The following NTRK3 variants were observed in gnomAD, a reference collection of about 807,000 sequenced individuals.
The protein encoded by NTRK3 is NT-3 growth factor receptor.
A neutral mutation model predicts 91.7 loss-of-function variants in NTRK3; 24 were observed. That is an observed-to-expected ratio of 0.26 (90% confidence interval 0.19 to 0.37). NTRK3 has a LOEUF of 0.37. NTRK3 is among the 10% of genes least tolerant of loss of function. The pLI, the probability that NTRK3 is intolerant of heterozygous loss-of-function variation, is 1.00. For missense variants in NTRK3, 880 were observed against 1,068.9 expected (o/e 0.82, Z 2.46); for synonymous variants, 483 against 404.0 (o/e 1.20, Z -2.34).
Position 88,007,659 on chromosome 15 carries a change from C to G in NTRK3, c.1585+25198G>C, listed in dbSNP as rs550117595. ...CTGGGAAGCCTGTTTTATCTTTTGTCTTAAGCCTGTTTCCAGGCATGTGAA... is the reference window on the plus strand; with the variant it reads ...CTGGGAAGCCTGTTTTATCTTTTGTGTTAAGCCTGTTTCCAGGCATGTGAA... On this transcript the variant is annotated intron_variant, in intron 14 of 18. Transcript: ENST00000394480. Among the ~76,000 whole-genome samples, 267 of 152,294 alleles carry G rather than the reference C, an allele frequency of 1.8e-3. 1 individual carries two copies. The highest frequency in any genetic ancestry group is 6.8e-3 in the Middle Eastern group (2 of 294).
At chr15:87,955,400 A>T (rs943862133) in intron 14 of NTRK3, among the ~76,000 whole-genome samples, 1 of 152,198 alleles carries the variant, frequency 6.6e-6, no homozygotes, top group Non-Finnish European at 1.5e-5. Context: ...GCTGTTTGTT[A>T]TCTGCTGCAC....
intron 5 of NTRK3, among the ~76,000 whole-genome samples, chr15:88,162,474 G>A (rs192705142): frequency 6.6e-6 from 1 of 152,292 alleles, no homozygotes; most frequent in African/African-American, 2.4e-5. Flanking sequence ...AGAAGGAGAG[G>A]GGAGAAGGGG....
Position 88,033,053 on chromosome 15 carries a change from C to T in NTRK3, c.1397-8G>A, listed in dbSNP as rs1233294807. ...TGATGACAGCCACGGGACCTGCACA[C>T]ACCAAGAGAGACGCAGGACCTGGTG... On this transcript the variant is annotated splice_region_variant and splice_polypyrimidine_tract_variant and intron_variant, in intron 13 of 18. Transcript: ENST00000394480. 5.1e-6 allele frequency: 8 copies of T among 1,569,310 alleles called. No homozygotes were observed. The East Asian group carries it at 9.3e-5, about 18-fold the overall frequency.
At chr15:88,138,168 C>T (rs1195101626) in intron 6 of NTRK3, among the ~76,000 whole-genome samples, 1 of 152,128 alleles carries the variant, frequency 6.6e-6, no homozygotes, top group Non-Finnish European at 1.5e-5. Flanking sequence ...CTTTGGGAGG[C>T]CGAGGTGGGA....
intron 13 of NTRK3, among the ~76,000 whole-genome samples, chr15:88,055,683 T>C (rs1361158739): frequency 6.6e-6 from 1 of 152,110 alleles, no homozygotes; most frequent in Non-Finnish European, 1.5e-5. Flanking sequence ...CCAAGTTCAC[T>C]CAATCAACCA....
chr15:88,127,151 A>C lies in NTRK3; in HGVS notation c.1293+11T>G, dbSNP rs1305025197. The C allele has an allele frequency of 6.2e-7, 1 of 1,612,520 alleles. No homozygotes were observed. Among genetic ancestry groups the C allele is most frequent in the Admixed American group, 1.7e-5 (1 of 59,956 alleles). On this transcript the variant is annotated intron_variant, in intron 12 of 18. Coordinates refer to ENST00000394480, the Ensembl canonical transcript of NTRK3. ...AGTCAACACACTCCTCTTGACCAAG[A>C]AGTGACTCACCCCAAAAGTGTCTTC...
rs1040619813 is a variant in NTRK3, at chr15:88,255,543, G to C, written c.248+363C>G. 1.8e-4 allele frequency among the ~76,000 whole-genome samples: 27 copies of C among 152,236 alleles called. No homozygotes were observed. The highest frequency in any genetic ancestry group is 6.5e-4 in the African/African-American group (27 of 41,536). ...GAACCTCGTCTACTTTATTCCACTTGAGCGTGGCCAAACTGTTGCTATTTA... is the reference window on the plus strand; with the variant it reads ...GAACCTCGTCTACTTTATTCCACTTCAGCGTGGCCAAACTGTTGCTATTTA... On this transcript the variant is annotated intron_variant, in intron 3 of 18. Coordinates refer to ENST00000394480, the Ensembl canonical transcript of NTRK3. This position sits in a 1 kb window ranked among gnomAD's most constrained non-coding sequence, Gnocchi z 4.3.
intron 13 of NTRK3, among the ~76,000 whole-genome samples, chr15:88,054,285 G>A (rs1395280781): frequency 6.6e-6 from 1 of 152,170 alleles, no homozygotes; most frequent in East Asian, 1.9e-4. Flanking sequence ...TAGACATAGT[G>A]TTCTATATAT....
At chr15:88,190,623 C>T (rs1290654603) in intron 3 of NTRK3, among the ~76,000 whole-genome samples, 1 of 152,210 alleles carries the variant, frequency 6.6e-6, no homozygotes, top group Non-Finnish European at 1.5e-5. Flanking sequence ...CCTCCTCCCT[C>T]CCAAATGTGC....
intron 13 of NTRK3, among the ~76,000 whole-genome samples, chr15:88,038,467 G>C (rs1408611293): frequency 6.6e-6 from 1 of 152,152 alleles, no homozygotes; most frequent in African/African-American, 2.4e-5. Flanking sequence ...TCCTTATAGG[G>C]CTACGGCTGG....
exon 18 of NTRK3, chr15:87,880,321 C>A (rs2141467025): frequency 6.2e-7 from 1 of 1,613,454 alleles, no homozygotes. Context: ...TGAAGATCTC[C>A]CAGAGGATCA....
intron 13 of NTRK3, chr15:88,098,523 ACT>A (rs2049857753): frequency 4.5e-6 from 1 of 221,864 alleles, no homozygotes; most frequent in African/African-American, 2.2e-5. Context: ...GGATGGAAAT[ACT>A]CACCAGGAGA....
chr15:87,877,026 T>C (rs2141436338), exon 19 of NTRK3: 1 of 1,613,890 alleles, frequency 6.2e-7, no homozygotes, highest in Non-Finnish European at 8.5e-7. Context: ...CTGCTGTGGT[T>C]CCCTCTGCCA....
chr15:87,999,931 G>T (rs1386826054), intron 14 of NTRK3, among the ~76,000 whole-genome samples: 1 of 152,196 alleles, frequency 6.6e-6, no homozygotes, highest in African/African-American at 2.4e-5. Flanking sequence ...GATTTAATCA[G>T]CTCCTGACCC....
At position 88,043,245 on chromosome 15, in the gene NTRK3, G is replaced by C. The variant is rs114740458; in HGVS notation, c.1397-10200C>G. Among the ~76,000 whole-genome samples the C allele has an allele frequency of 3.7e-3, 558 of 152,282 alleles. 8 individuals are homozygous for C. Among genetic ancestry groups the C allele is most frequent in the African/African-American group, 0.013 (540 of 41,542 alleles). On this transcript the variant is annotated intron_variant, in intron 13 of 18. Transcript: ENST00000394480. Reference sequence around the variant, plus strand: ...ACAGACAGTATTTCAGACCATCCCAGGCATCAACAGGAAGTGAGTAGTTAC... The same window carrying C: ...ACAGACAGTATTTCAGACCATCCCACGCATCAACAGGAAGTGAGTAGTTAC...
At chr15:88,046,843 AT>A (rs1206301148) in intron 13 of NTRK3, among the ~76,000 whole-genome samples, 2 of 152,228 alleles carry the variant, frequency 1.3e-5, no homozygotes, top group African/African-American at 4.8e-5. Context: ...TGCAGCAGGA[AT>A]GGCGAGGGTA....
At chr15:87,895,790 CATTTT>C (rs1032280791) in intron 17 of NTRK3, among the ~76,000 whole-genome samples, 4 of 146,838 alleles carry the variant, frequency 2.7e-5, no homozygotes, top group African/African-American at 7.5e-5. Flanking sequence ...TTTTTTTTTT[CATTTT>C]ATTTTATTTT....
chr15:87,983,393 C>T (rs2074463353), intron 14 of NTRK3, among the ~76,000 whole-genome samples: 1 of 152,168 alleles, frequency 6.6e-6, no homozygotes, highest in Non-Finnish European at 1.5e-5. Context: ...TGTTTTTCAA[C>T]CCCATTGCAG....
At chr15:88,126,744 C>T (rs763786554) in intron 12 of NTRK3, among the ~76,000 whole-genome samples, 33 of 152,138 alleles carry the variant, frequency 2.2e-4, no homozygotes, top group African/African-American at 7.5e-4. Context: ...CCAGGAAAGT[C>T]GAAAAGATCT....
Sources: gnomAD v4.1 joint callset for allele counts (sites outside exome capture counted in the v4.1 genomes callset) on GRCh38, gnomAD v4.1.1 for gene constraint, Gnocchi (gnomAD v3.1) non-coding constraint, MANE v1.5 for transcripts, NCBI Gene and HGNC (gene_info 2026-07-23, HGNC 2026-07-21) for gene names.